The following TTLL9 variants were observed in gnomAD, a reference collection of about 807,000 sequenced individuals.
TTLL9 encodes the protein probable tubulin polyglutamylase TTLL9.
Under a neutral mutation model 65.6 loss-of-function variants are expected in TTLL9, and 47 were observed. That is an observed-to-expected ratio of 0.72 (90% CI 0.57 to 0.91). The LOEUF (loss-of-function observed/expected upper bound fraction) is 0.91. Ranked by LOEUF, TTLL9 falls within the 40% of genes least tolerant of loss-of-function variation. The probability of loss-of-function intolerance (pLI) is 0.00; values close to 1 mark genes in which losing one functional copy is unlikely to be tolerated. For synonymous variants in TTLL9, 179 were observed against 204.8 expected, an observed-to-expected ratio of 0.87 and a Z score of 1.07; for missense variants, 537 against 568.8, an observed-to-expected ratio of 0.94 and a Z score of 0.57.
chr20:31,936,189 G>A (rs754507374), intron 12 of TTLL9, among the ~76,000 whole-genome samples: 10 of 152,158 alleles, frequency 6.6e-5, no homozygotes, highest in Non-Finnish European at 1.2e-4. Context: ...GGTGGCTAGC[G>A]GGAGGTCTTT....
chr20:31,873,730 GAAAGAAAA>G (rs1418382248), intron 2 of TTLL9, among the ~76,000 whole-genome samples: 36 of 103,920 alleles, frequency 3.5e-4, no homozygotes, highest in Admixed American at 1.1e-3. Context: ...AAGAAAGAAA[GAAAGAAAA>G]AGGAAGGAAG....
intron 2 of TTLL9, chr20:31,873,107 A>G: frequency 2.1e-6 from 1 of 469,938 alleles, no homozygotes; most frequent in African/African-American, 2.0e-5. Flanking sequence ...GGATGGACTC[A>G]GCATATATGA....
At chr20:31,938,649 G>A (rs1220825155) in intron 13 of TTLL9, among the ~76,000 whole-genome samples, 1 of 152,150 alleles carries the variant, frequency 6.6e-6, no homozygotes, top group Non-Finnish European at 1.5e-5. Flanking sequence ...AGGCCGAGGC[G>A]GGCAGATCAC....
At position 31,898,624 on chromosome 20, in the gene TTLL9, CCTTT is replaced by C. The variant is rs549887270; in HGVS notation, c.206+60_206+63del. ...CCTTTGTCTCACAGGTCCTTGTCTTCCTTTGTTTTTCTCCCAGTTCCCCTGGGTG... is the reference window on the plus strand; with the variant it reads ...CCTTTGTCTCACAGGTCCTTGTCTTCGTTTTTCTCCCAGTTCCCCTGGGTG... On this transcript the variant is annotated intron_variant, in intron 4 of 14. Coordinates refer to ENST00000535842, the MANE Select transcript of TTLL9 (RefSeq NM_001008409.5). 523 of 1,524,270 alleles carry C rather than the reference CCTTT, an allele frequency of 3.4e-4. 1 individual carries two copies. The African/African-American group carries it at 6.7e-3, about 20-fold the overall frequency. The allele number at this position is 1,524,270 out of a possible 1,614,324, so 94.4% of individuals were successfully genotyped here. A position where few individuals can be genotyped will look rare whatever the true frequency, so the allele number is the denominator to read the frequency against.
At position 31,909,911 on chromosome 20, in the gene TTLL9, A is replaced by G. The variant is rs2063621847; in HGVS notation, c.493A>G (p.Ile165Val). ...TCGCAAAAACCCAGGAATCACCTGG[A>G]TCATGAAGCCTGTGAGTGCCCAGTG... ...EFRKNPGITW[I>V]MKPVARSQGK... is the part of the protein sequence containing the mutation. Residue 165 changes from isoleucine (I) to valine (V), a missense_variant, in exon 6 of 15, where the codon ATC becomes GTC. Ile to Val is a conservative substitution (Grantham distance 29). This residue lies in a region of TTLL9 where 320 missense variants were observed against 311.0 expected (regional missense o/e 1.03). Transcript: ENST00000535842. The G allele has an allele frequency of 6.2e-7, 1 of 1,613,022 alleles. No individual in the cohort carries two copies. The highest frequency in any genetic ancestry group is 1.3e-5 in the African/African-American group (1 of 74,880).
chr20:31,903,338 T>C (rs761741763), intron 4 of TTLL9, among the ~76,000 whole-genome samples: 35 of 152,236 alleles, frequency 2.3e-4, no homozygotes, highest in Non-Finnish European at 3.8e-4. Flanking sequence ...TAGTTGTCTC[T>C]TTATATTCGA....
At chr20:31,926,565 C>T (rs911118965) in intron 10 of TTLL9, among the ~76,000 whole-genome samples, 5 of 152,158 alleles carry the variant, frequency 3.3e-5, no homozygotes, top group African/African-American at 1.2e-4. Flanking sequence ...CTTACAAGTA[C>T]ATCTGCGGTA....
intron 12 of TTLL9, among the ~76,000 whole-genome samples, chr20:31,935,693 G>A (rs2064097394): frequency 1.3e-5 from 2 of 152,196 alleles, no homozygotes; most frequent in African/African-American, 4.8e-5. Flanking sequence ...CGTGGTGGAG[G>A]AATAAGCTCT....
intron 3 of TTLL9, among the ~76,000 whole-genome samples, chr20:31,887,995 C>T (rs2063223375): frequency 6.6e-6 from 1 of 151,904 alleles, no homozygotes; most frequent in Non-Finnish European, 1.5e-5. Context: ...AGTGATTCTC[C>T]TGCCTCAGCC....
chr20:31,890,146 C>CTTCT (rs2063279755), intron 3 of TTLL9, among the ~76,000 whole-genome samples: 1 of 18,952 alleles, frequency 5.3e-5, no homozygotes, highest in South Asian at 1.1e-3. Flanking sequence ...TCCTTCCTTC[C>CTTCT]TTCCTTCCTT....
chr20:31,898,559 T>C lies in TTLL9; in HGVS notation c.200T>C (p.Val67Ala). Residue 67 changes from valine to alanine, a missense_variant, in exon 4 of 15, where the codon GTG becomes GCG. Coordinates refer to ENST00000535842, the MANE Select transcript of TTLL9 (RefSeq NM_001008409.5). ...CGCCACAGGCCAGGATGGGTGGAAG[T>C]GAAGGAGTAAGACCCTCCCCCCAGC... The part of the protein sequence containing the change: ...VLRHRPGWVE[V>A]KDEGEWDFYW... 1 of 1,614,088 alleles carries C rather than the reference T, an allele frequency of 6.2e-7. No homozygotes were observed. The highest frequency in any genetic ancestry group is 8.5e-7 in the Non-Finnish European group (1 of 1,179,942).
rs765420741 is a variant in TTLL9 at position 31,890,154 on chromosome 20, CTTCTTTCT to C, written c.113+2956_113+2963del. Among the ~76,000 whole-genome samples the C allele has an allele frequency of 3.8e-3, 51 of 13,574 alleles. 1 individual carries two copies. Among genetic ancestry groups the C allele is most frequent in the Middle Eastern group, 0.033 (1 of 30 alleles). The allele number at this position is 13,574 out of a possible 152,430, so 8.9% of individuals were successfully genotyped here. On this transcript the variant is annotated intron_variant, in intron 3 of 14. Coordinates refer to ENST00000535842, the MANE Select transcript of TTLL9 (RefSeq NM_001008409.5). ...CCTTCCTTCCTTCCTTCCTTCCTTC[CTTCTTTCT>C]TTCTTTCTTTCTTTCTTTCTTTCTT...
intron 2 of TTLL9, among the ~76,000 whole-genome samples, chr20:31,877,792 C>T (rs1362209260): frequency 6.6e-6 from 1 of 152,202 alleles, no homozygotes; most frequent in Non-Finnish European, 1.5e-5. Context: ...CTTGCCCCAA[C>T]ATATACACAT....
intron 8 of TTLL9, among the ~76,000 whole-genome samples, chr20:31,923,957 G>A (rs762172895): frequency 5.9e-5 from 9 of 152,102 alleles, no homozygotes; most frequent in East Asian, 3.9e-4. Context: ...TGTGACATCC[G>A]TCTTGGGCAT....
chr20:31,943,004 AAG>A lies in TTLL9; in HGVS notation c.1305_1306del (p.Lys436SerfsTer150). The A allele has an allele frequency of 6.2e-7, 1 of 1,613,954 alleles. No homozygotes were observed. The highest frequency in any genetic ancestry group is 8.5e-7 in the Non-Finnish European group (1 of 1,179,936). ...RQLFCSLQVQ[K>X]KASS is the part of the protein sequence containing the mutation. ...GCTCTTCTGCTCCCTTCAAGTTCAG[AAG>A]AAAGCTTCCAGTTGATCCCCAGCTG... On this transcript the variant is annotated frameshift_variant, in exon 15 of 15. Coordinates refer to ENST00000535842, the MANE Select transcript of TTLL9 (RefSeq NM_001008409.5). LOFTEE classifies it high-confidence loss of function.
At chr20:31,911,942 T>C (rs1208559400) in intron 6 of TTLL9, among the ~76,000 whole-genome samples, 2 of 151,868 alleles carry the variant, frequency 1.3e-5, no homozygotes, top group Non-Finnish European at 2.9e-5. Context: ...CTTCTAGTCA[T>C]TTCTGGCATG....
chr20:31,926,383 C>G (rs1293005336), intron 10 of TTLL9, among the ~76,000 whole-genome samples: 1 of 152,136 alleles, frequency 6.6e-6, no homozygotes, highest in East Asian at 1.9e-4. Flanking sequence ...TGGCAGAGAC[C>G]AAAAATTTGA....
At chr20:31,915,039 C>CA (rs2063713228) in intron 6 of TTLL9, among the ~76,000 whole-genome samples, 1 of 152,236 alleles carries the variant, frequency 6.6e-6, no homozygotes, top group African/African-American at 2.4e-5. Flanking sequence ...ACAGCTACCA[C>CA]AATTTCAAAG....
chr20:31,939,204 G>C lies in TTLL9; in HGVS notation c.1181G>C (p.Ser394Thr). ...FDLMWNDGPV[S>T]REEGAPDLSG... ...CTCATGTGGAATGATGGCCCTGTTA[G>C]CAGAGAGGAGGGGGCTCCTGACCTG... is the stretch of plus-strand genomic sequence containing the variant. Residue 394 changes from serine (S) to threonine (T), a missense_variant, in exon 14 of 15, where the codon AGC becomes ACC. Ser to Thr is a moderately conservative substitution (Grantham distance 58). Coordinates refer to ENST00000535842, the MANE Select transcript of TTLL9 (RefSeq NM_001008409.5). The C allele has an allele frequency of 6.2e-7, 1 of 1,613,028 alleles. No homozygotes were observed. The highest frequency in any genetic ancestry group is 8.5e-7 in the Non-Finnish European group (1 of 1,179,554).
Sources: allele counts gnomAD v4.1 joint callset (sites outside exome capture counted in the v4.1 genomes callset), GRCh38; gene constraint gnomAD v4.1.1; regional missense constraint gnomAD v4.1.1; transcripts MANE v1.5; gene names NCBI Gene and HGNC (gene_info 2026-07-23, HGNC 2026-07-21).